VAT1L: variants seen among roughly 807,000 people sequenced by gnomAD.
VAT1L encodes putative NADPH-dependent quinone oxidoreductase VAT1L.
In VAT1L, 34 loss-of-function variants were observed where a neutral mutation model predicts 44.1. The ratio of observed to expected loss-of-function variants is 0.77; its 90% CI spans 0.59 to 1.03. The LOEUF is 1.03. Ranked by LOEUF, VAT1L falls within the 50% of genes least tolerant of loss-of-function variation. VAT1L has a pLI of 0.00. For synonymous variants in VAT1L, 253 were observed against 202.2 expected, an observed-to-expected ratio of 1.25 and a Z score of -2.13; for missense variants, 615 against 538.8, an observed-to-expected ratio of 1.14 and a Z score of -1.40.
chr16:77,930,564 CA>C (rs1156274313), intron 7 of VAT1L, among the ~76,000 whole-genome samples: 1 of 152,186 alleles, frequency 6.6e-6, no homozygotes, highest in Non-Finnish European at 1.5e-5. Context: ...TGACAGGTTC[CA>C]GGGCCCGTGC....
intron 3 of VAT1L, among the ~76,000 whole-genome samples, chr16:77,859,551 A>G (rs1469295414): frequency 6.6e-6 from 1 of 152,226 alleles, no homozygotes; most frequent in African/African-American, 2.4e-5. Context: ...AGTCCAAAAT[A>G]AATAGTGACA....
At chr16:77,840,285 T>G (rs774089300) in intron 3 of VAT1L, among the ~76,000 whole-genome samples, 4 of 152,146 alleles carry the variant, frequency 2.6e-5, no homozygotes, top group Non-Finnish European at 5.9e-5. Flanking sequence ...GGGAGGCAGG[T>G]AGTCAGGGAA....
intron 1 of VAT1L, among the ~76,000 whole-genome samples, chr16:77,806,536 G>C (rs1486596452): frequency 1.3e-5 from 2 of 150,534 alleles, no homozygotes; most frequent in Admixed American, 1.3e-4. Flanking sequence ...AGTAGAGACA[G>C]GTTTCACCAT....
intron 7 of VAT1L, among the ~76,000 whole-genome samples, chr16:77,900,773 T>C (rs1195618515): frequency 6.6e-6 from 1 of 151,940 alleles, no homozygotes; most frequent in Non-Finnish European, 1.5e-5. Flanking sequence ...ACCATTGTTA[T>C]TGTCAGACTG....
At chr16:77,863,501 G>T (rs1237405803) in intron 4 of VAT1L, among the ~76,000 whole-genome samples, 2 of 152,220 alleles carry the variant, frequency 1.3e-5, no homozygotes, top group Non-Finnish European at 2.9e-5. Flanking sequence ...GGAGCCTGGA[G>T]TCAAGCCAGG....
chr16:77,915,216 G>C (rs1202915862), intron 7 of VAT1L, among the ~76,000 whole-genome samples: 3 of 152,094 alleles, frequency 2.0e-5, no homozygotes, highest in Non-Finnish European at 4.4e-5. Context: ...CTCAACAAAA[G>C]CATTCTCTGG....
At position 77,880,434 on chromosome 16, in the gene VAT1L, A is replaced by G. The variant is rs143628919; in HGVS notation, c.882+1210A>G. On this transcript the variant is annotated intron_variant, in intron 6 of 8. Transcript: ENST00000302536. ...CTCAGCCTCCCAAAGTGCTGGAATT[A>G]TAGGTGTGAGCCATCGTACTCGGCC... 4.6e-3 allele frequency among the ~76,000 whole-genome samples: 701 copies of G among 152,164 alleles called. 9 individuals carry two copies. The highest frequency in any genetic ancestry group is 0.016 in the African/African-American group (671 of 41,508).
chr16:77,897,431 T>C (rs1187907641), intron 7 of VAT1L, among the ~76,000 whole-genome samples: 3 of 152,174 alleles, frequency 2.0e-5, no homozygotes, highest in Non-Finnish European at 2.9e-5. Flanking sequence ...GCAGGTCTGA[T>C]TGGATGGGGG....
At position 77,884,577 on chromosome 16, in the gene VAT1L, T is replaced by G. The variant is rs755880189; in HGVS notation, c.883-31T>G. On this transcript the variant is annotated intron_variant, in intron 6 of 8. Coordinates refer to ENST00000302536, the MANE Select transcript of VAT1L (RefSeq NM_020927.3). The surrounding 1 kb of genome is among the most constrained non-coding windows in gnomAD (Gnocchi z 4.5). ...TGTAGGCTTAACCCCGGTATTGAGT[T>G]CCTATAACCCAATACCACCTCTCTT... 6.2e-7 allele frequency: 1 copy of G among 1,601,190 alleles called. No homozygotes were observed. Among genetic ancestry groups the G allele is most frequent in the South Asian group, 1.1e-5 (1 of 88,854 alleles).
intron 2 of VAT1L, among the ~76,000 whole-genome samples, chr16:77,824,713 G>C (rs2016497757): frequency 6.8e-6 from 1 of 146,804 alleles, no homozygotes; most frequent in Non-Finnish European, 1.5e-5. Flanking sequence ...CTGAGATCAC[G>C]CCACTGCCCT....
intron 3 of VAT1L, among the ~76,000 whole-genome samples, chr16:77,840,709 G>C (rs1799713826): frequency 6.6e-6 from 1 of 151,292 alleles, no homozygotes; most frequent in South Asian, 2.1e-4. Context: ...GCAGTGGTTA[G>C]GGCTCTGGAC....
At chr16:77,948,051 C>G (rs560433398) in intron 7 of VAT1L, among the ~76,000 whole-genome samples, 1 of 152,158 alleles carries the variant, frequency 6.6e-6, no homozygotes, top group South Asian at 2.1e-4. Flanking sequence ...TGTACCACCG[C>G]GCCCGGCCCC....
At chr16:77,950,844 C>G (rs978252225) in intron 7 of VAT1L, among the ~76,000 whole-genome samples, 4 of 152,192 alleles carry the variant, frequency 2.6e-5, no homozygotes, top group Admixed American at 2.6e-4. Flanking sequence ...CCGGCCTTTC[C>G]TATACAAACT....
chr16:77,925,539 G>C (rs1390573437), intron 7 of VAT1L, among the ~76,000 whole-genome samples: 1 of 152,144 alleles, frequency 6.6e-6, no homozygotes, highest in East Asian at 1.9e-4. Context: ...GTCAATATAA[G>C]AACAAAAGAT....
At chr16:77,881,072 T>C (rs1259172101) in intron 6 of VAT1L, among the ~76,000 whole-genome samples, 1 of 152,202 alleles carries the variant, frequency 6.6e-6, no homozygotes, top group African/African-American at 2.4e-5. Context: ...GGTGCATGTG[T>C]CCTTTTGATA....
At chr16:77,888,453 A>G (rs1306100853) in intron 7 of VAT1L, among the ~76,000 whole-genome samples, 1 of 152,258 alleles carries the variant, frequency 6.6e-6, no homozygotes, top group Admixed American at 6.5e-5. Context: ...TATGTTTAAC[A>G]ATAAATATGT....
At chr16:77,809,854 T>G (rs1175807203) in intron 1 of VAT1L, among the ~76,000 whole-genome samples, 1 of 152,206 alleles carries the variant, frequency 6.6e-6, no homozygotes, top group Non-Finnish European at 1.5e-5. Context: ...CTCCATGACA[T>G]CCTTCATGGT....
intron 7 of VAT1L, among the ~76,000 whole-genome samples, chr16:77,946,933 T>C (rs2017975405): frequency 6.6e-6 from 1 of 152,210 alleles, no homozygotes; most frequent in Non-Finnish European, 1.5e-5. Context: ...AATGGAAAGT[T>C]GCTGGAAGGC....
intron 7 of VAT1L, among the ~76,000 whole-genome samples, chr16:77,913,243 T>G (rs780888242): frequency 4.6e-5 from 7 of 152,246 alleles, no homozygotes; most frequent in Non-Finnish European, 8.8e-5. Context: ...AATTTTTAAG[T>G]GTATAGCACA....
Sources: gnomAD v4.1 joint callset for allele counts (sites outside exome capture counted in the v4.1 genomes callset) on GRCh38, gnomAD v4.1.1 for gene constraint, Gnocchi (gnomAD v3.1) non-coding constraint, MANE v1.5 for transcripts, NCBI Gene and HGNC (gene_info 2026-07-23, HGNC 2026-07-21) for gene names.